The following DGKH variants were observed in gnomAD, a reference collection of about 807,000 sequenced individuals.
The protein encoded by DGKH is diacylglycerol kinase eta, also known as DAG kinase eta.
Under a neutral mutation model 159.3 loss-of-function variants are expected in DGKH, and 90 were observed. The ratio of observed to expected loss-of-function variants is 0.57; its 90% CI spans 0.48 to 0.67. The LOEUF (loss-of-function observed/expected upper bound fraction) is 0.67. DGKH is among the 30% of genes least tolerant of loss of function. The pLI is 0.00. For synonymous variants in DGKH, 536 were observed against 553.8 expected, an observed-to-expected ratio of 0.97 and a Z score of 0.45; for missense variants, 1,181 against 1,506.1, an observed-to-expected ratio of 0.78 and a Z score of 3.57.
intron 14 of DGKH, among the ~76,000 whole-genome samples, chr13:42,187,702 G>A (rs1484219067): frequency 6.6e-6 from 1 of 152,138 alleles, no homozygotes; most frequent in Non-Finnish European, 1.5e-5. Flanking sequence ...GAGATGCATA[G>A]CAGTCAGACC....
chr13:42,163,134 T>G (rs9594690), intron 7 of DGKH, among the ~76,000 whole-genome samples: 34,136 of 149,572 alleles, frequency 0.23, 4,201 homozygotes, highest in Admixed American at 0.29. Flanking sequence ...GTCCTTGCTA[T>G]AGTTTACTGA....
At position 42,236,902 on chromosome 13, in the gene DGKH, CA is replaced by C. The variant is rs912989430; in HGVS notation, c.*7715del. ...TGGGCGACAGAGCGAGACTCTGTCTCAGGGGGAAAAAAAAGAATTTTGAACC... is the reference window on the plus strand; with the variant it reads ...TGGGCGACAGAGCGAGACTCTGTCTCGGGGGAAAAAAAAGAATTTTGAACC... On this transcript the variant is annotated 3_prime_UTR_variant, in exon 30 of 30. Transcript: ENST00000337343. 3.3e-5 allele frequency: 5 copies of C among 151,910 alleles called. No individual in the cohort carries two copies. The highest frequency in any genetic ancestry group is 2.1e-4 in the South Asian group (1 of 4,794). 9.4% of individuals were successfully genotyped at this position (151,910 alleles called of 1,614,324 possible).
chr13:42,057,705 T>C (rs1358756450), intron 1 of DGKH, among the ~76,000 whole-genome samples: 2 of 152,180 alleles, frequency 1.3e-5, no homozygotes, highest in Non-Finnish European at 2.9e-5. Flanking sequence ...AGCAAAAATA[T>C]ACAAAAACCT....
intron 1 of DGKH, among the ~76,000 whole-genome samples, chr13:42,101,606 G>A (rs1265984565): frequency 6.6e-6 from 1 of 152,180 alleles, no homozygotes. Context: ...TTGTTTCAGG[G>A]ACTTCTGGAG....
intron 1 of DGKH, among the ~76,000 whole-genome samples, chr13:42,061,721 C>CT (rs1463631707): frequency 6.6e-6 from 1 of 152,154 alleles, no homozygotes; most frequent in Non-Finnish European, 1.5e-5. Flanking sequence ...TTGCCCATTA[C>CT]TGGTGGGATA....
rs77632936 is a variant in DGKH, at chr13:42,125,601, G to A, written c.193-1862G>A. 1.6e-3 allele frequency among the ~76,000 whole-genome samples: 249 copies of A among 152,268 alleles called. 1 individual carries two copies. Among genetic ancestry groups the A allele is most frequent in the African/African-American group, 5.8e-3 (241 of 41,550 alleles). On this transcript the variant is annotated intron_variant, in intron 1 of 29. Coordinates refer to ENST00000337343, the MANE Select transcript of DGKH (RefSeq NM_178009.5). ...CTGACTTTCAAAAGTGTTTTGTTAC[G>A]ATTAAATTGTAATGATTTCATAACA...
At chr13:42,093,186 G>T (rs904966649) in intron 1 of DGKH, among the ~76,000 whole-genome samples, 1 of 151,408 alleles carries the variant, frequency 6.6e-6, no homozygotes, top group African/African-American at 2.4e-5. Flanking sequence ...GGAGGTTGCA[G>T]TGAACTGAGA....
At position 42,219,481 on chromosome 13, in the gene DGKH, C is replaced by T. The variant is rs1025258904; in HGVS notation, c.3333+132C>T. On this transcript the variant is annotated intron_variant, in intron 27 of 29. Coordinates refer to ENST00000337343, the MANE Select transcript of DGKH (RefSeq NM_178009.5). ...TACTTTCAAATGTTCTGTTCTTGAACAAATGAGAAAAGGCATTTATGTGAA... is the reference window on the plus strand; with the variant it reads ...TACTTTCAAATGTTCTGTTCTTGAATAAATGAGAAAAGGCATTTATGTGAA... The T allele has an allele frequency of 3.6e-6, 5 of 1,400,544 alleles. No homozygotes were observed. The African/African-American group carries it at 5.8e-5, about 16-fold the overall frequency. 86.8% of individuals were successfully genotyped at this position (1,400,544 alleles called of 1,614,324 possible).
chr13:42,151,536 T>C lies in DGKH; in HGVS notation c.385-3755T>C, dbSNP rs1188953394. ...ACATGTATATATATACACGTGTATA[T>C]ATATATATACACGTGTATATATGTA... On this transcript the variant is annotated intron_variant, in intron 3 of 29. Coordinates refer to ENST00000337343, the MANE Select transcript of DGKH (RefSeq NM_178009.5). 2.9e-5 allele frequency among the ~76,000 whole-genome samples: 4 copies of C among 136,810 alleles called. No homozygotes were observed. The East Asian group carries it at 7.7e-4, about 26-fold the overall frequency. The allele number at this position is 136,810 out of a possible 152,430, so 89.8% of individuals were successfully genotyped here. A position where few individuals can be genotyped will look rare whatever the true frequency, so the allele number is the denominator to read the frequency against.
At chr13:42,062,295 C>T (rs543423187) in intron 1 of DGKH, among the ~76,000 whole-genome samples, 2 of 152,060 alleles carry the variant, frequency 1.3e-5, no homozygotes, top group South Asian at 4.2e-4. Flanking sequence ...TATTTATATA[C>T]CATTATTTCC....
chr13:42,212,447 A>G (rs898306153), intron 24 of DGKH, among the ~76,000 whole-genome samples: 4 of 152,206 alleles, frequency 2.6e-5, no homozygotes, highest in African/African-American at 9.6e-5. Context: ...GACTAAATAC[A>G]TCTCTTTTAG....
At chr13:42,092,997 C>T (rs1954449937) in intron 1 of DGKH, among the ~76,000 whole-genome samples, 1 of 152,068 alleles carries the variant, frequency 6.6e-6, no homozygotes, top group Non-Finnish European at 1.5e-5. Context: ...AATCCCAGCA[C>T]TTTTGGGAGG....
At chr13:42,122,085 T>C (rs982427632) in intron 1 of DGKH, among the ~76,000 whole-genome samples, 2 of 152,196 alleles carry the variant, frequency 1.3e-5, no homozygotes, top group Non-Finnish European at 2.9e-5. Flanking sequence ...TCTTTGTAGC[T>C]AGACTACATA....
chr13:42,066,473 TAAC>T (rs1882584312), intron 1 of DGKH: 1 of 152,204 alleles, frequency 6.6e-6, no homozygotes, highest in African/African-American at 2.4e-5. Flanking sequence ...TATTTTCACA[TAAC>T]AAAAAACACT....
At position 42,097,866 on chromosome 13, in the gene DGKH, T is replaced by A. The variant is rs567245093; in HGVS notation, c.193-29597T>A. 2.0e-5 allele frequency among the ~76,000 whole-genome samples: 3 copies of A among 152,322 alleles called. No individual in the cohort carries two copies. The South Asian group carries it at 6.2e-4, about 32-fold the overall frequency. The stretch of plus-strand genomic sequence containing the variant: ...TCACCCAATCCTTGTTAGCTTCATC[T>A]TATCCTGGCATCCAGAGGTACATGG... On this transcript the variant is annotated intron_variant, in intron 1 of 29. Coordinates refer to ENST00000337343, the MANE Select transcript of DGKH (RefSeq NM_178009.5).
upstream of DGKH, among the ~76,000 whole-genome samples, chr13:42,045,654 C>T (rs751706332): frequency 2.0e-5 from 3 of 152,202 alleles, no homozygotes; most frequent in Non-Finnish European, 4.4e-5. Flanking sequence ...TTAATTAAGG[C>T]AGCTTCTCAA....
intron 1 of DGKH, among the ~76,000 whole-genome samples, chr13:42,059,912 T>TC (rs1381364031): frequency 1.3e-5 from 2 of 150,482 alleles, no homozygotes; most frequent in Admixed American, 6.6e-5. Flanking sequence ...TTTCTTTTTT[T>TC]TTTTTTTTAT....
At chr13:42,183,421 C>T (rs768213837) in intron 13 of DGKH, among the ~76,000 whole-genome samples, 12 of 152,206 alleles carry the variant, frequency 7.9e-5, no homozygotes, top group East Asian at 1.9e-4. Flanking sequence ...ACTGCATGTA[C>T]GCACAGTCAC....
intron 29 of DGKH, among the ~76,000 whole-genome samples, chr13:42,223,118 G>A (rs1027372251): frequency 6.6e-6 from 1 of 152,132 alleles, no homozygotes; most frequent in Non-Finnish European, 1.5e-5. Flanking sequence ...GTGGGGGGTG[G>A]ATGAGAAAAG....
Sources: gnomAD v4.1 joint callset for allele counts (sites outside exome capture counted in the v4.1 genomes callset) on GRCh38, gnomAD v4.1.1 for gene constraint, MANE v1.5 for transcripts, NCBI Gene and HGNC (gene_info 2026-07-23, HGNC 2026-07-21) for gene names.